SGPP2: variants seen among roughly 807,000 people sequenced by gnomAD.
The protein encoded by SGPP2 is sphingosine-1-phosphate phosphatase 2.
In SGPP2, 30 loss-of-function variants were observed where a neutral mutation model predicts 33.9. The ratio of observed to expected loss-of-function variants is 0.89; its 90% CI spans 0.66 to 1.20. The LOEUF (loss-of-function observed/expected upper bound fraction) is 1.20, where lower values mean the gene tolerates loss of function less well. SGPP2 is among the 50% of genes most tolerant of loss of function. The pLI, the probability that SGPP2 is intolerant of heterozygous loss-of-function variation, is 0.00. For synonymous variants in SGPP2, 233 were observed against 225.0 expected, an observed-to-expected ratio of 1.04 and a Z score of -0.32; for missense variants, 458 against 532.1, an observed-to-expected ratio of 0.86 and a Z score of 1.37.
intron 2 of SGPP2, among the ~76,000 whole-genome samples, chr2:222,519,572 T>G (rs1396659375): frequency 6.6e-6 from 1 of 152,196 alleles, no homozygotes; most frequent in African/African-American, 2.4e-5. Flanking sequence ...AAAAATCAAC[T>G]TTCATTTTAG....
chr2:222,448,742 A>G (rs1245179070), intron 1 of SGPP2, among the ~76,000 whole-genome samples: 3 of 152,236 alleles, frequency 2.0e-5, no homozygotes, highest in Non-Finnish European at 4.4e-5. Flanking sequence ...GTGACATGAT[A>G]AGGCACTGTG....
At chr2:222,509,177 C>T (rs1421836819) in intron 2 of SGPP2, among the ~76,000 whole-genome samples, 2 of 151,948 alleles carry the variant, frequency 1.3e-5, no homozygotes, top group African/African-American at 4.8e-5. Flanking sequence ...CAATCTAGTG[C>T]AGTCAATCTC....
At position 222,558,381 on chromosome 2, in the gene SGPP2, T is replaced by C. The variant is rs755782740; in HGVS notation, c.683T>C (p.Leu228Pro). 6.2e-7 allele frequency: 1 copy of C among 1,614,182 alleles called. No homozygotes were observed. The highest frequency in any genetic ancestry group is 1.1e-5 in the South Asian group (1 of 91,082). ...VLGGVLITAL[L>P]IVLTYPAWTF... ...GGTGGCGTCCTGATCACCGCACTCC[T>C]CATCGTCCTCACCTACCCTGCCTGG... The change falls in exon 5 of 5, where the codon CTC (leucine) becomes CCC (proline). Residue 228 changes from leucine (L) to proline (P), a missense_variant. Physicochemically the swap from Leu to Pro is moderately conservative, Grantham distance 98 (BLOSUM62 -3). Coordinates refer to ENST00000321276, the MANE Select transcript of SGPP2 (RefSeq NM_152386.4).
At chr2:222,482,670 C>T (rs1364696375) in intron 2 of SGPP2, among the ~76,000 whole-genome samples, 2 of 152,204 alleles carry the variant, frequency 1.3e-5, no homozygotes, top group African/African-American at 2.4e-5. Flanking sequence ...TGGGTCACCC[C>T]TCAACTGTCT....
chr2:222,505,248 A>T (rs545244344), intron 2 of SGPP2, among the ~76,000 whole-genome samples: 1 of 152,302 alleles, frequency 6.6e-6, no homozygotes, highest in South Asian at 2.1e-4. Context: ...CATCATCTAA[A>T]CTAGAGATAA....
chr2:222,435,028 G>GTGTATATATGTGTATATATACACA (rs1697216353), intron 1 of SGPP2, among the ~76,000 whole-genome samples: 1 of 140,544 alleles, frequency 7.1e-6, no homozygotes, highest in African/African-American at 2.7e-5. Context: ...GTATATGTGT[G>GTGTATATATGTGTATATATACACA]TATATATATG....
chr2:222,537,369 C>T (rs1041385485), intron 4 of SGPP2, among the ~76,000 whole-genome samples: 10 of 151,956 alleles, frequency 6.6e-5, no homozygotes, highest in African/African-American at 2.2e-4. Flanking sequence ...AGGGTAAATA[C>T]AATGAATCAA....
intron 2 of SGPP2, among the ~76,000 whole-genome samples, chr2:222,506,724 C>A (rs905728102): frequency 1.3e-5 from 2 of 152,138 alleles, no homozygotes; most frequent in African/African-American, 4.8e-5. Context: ...CTGGTACTCA[C>A]AACCCTCAAG....
At chr2:222,545,938 A>C (rs902720201) in intron 4 of SGPP2, among the ~76,000 whole-genome samples, 1 of 152,166 alleles carries the variant, frequency 6.6e-6, no homozygotes, top group East Asian at 1.9e-4. Flanking sequence ...TGGTGAATTG[A>C]TGCACGCTGA....
At chr2:222,451,710 A>G (rs1001223641) in intron 1 of SGPP2, among the ~76,000 whole-genome samples, 2 of 152,256 alleles carry the variant, frequency 1.3e-5, no homozygotes, top group Admixed American at 6.5e-5. Flanking sequence ...GAAGATAAAT[A>G]TCAAACTCTT....
intron 1 of SGPP2, among the ~76,000 whole-genome samples, chr2:222,429,115 C>T (rs929258369): frequency 5.3e-5 from 8 of 152,078 alleles, no homozygotes; most frequent in East Asian, 1.9e-4. Flanking sequence ...TTACCGCACC[C>T]GGCCAAGAAC....
chr2:222,541,143 A>C (rs1281546238), intron 4 of SGPP2, among the ~76,000 whole-genome samples: 5 of 152,188 alleles, frequency 3.3e-5, no homozygotes, highest in African/African-American at 1.2e-4. Flanking sequence ...CTTGTAAAAA[A>C]TGTAATAGAG....
At chr2:222,486,158 G>A (rs544140331) in intron 2 of SGPP2, among the ~76,000 whole-genome samples, 1 of 152,224 alleles carries the variant, frequency 6.6e-6, no homozygotes, top group Admixed American at 6.5e-5. Flanking sequence ...GCAGGGAGGT[G>A]CTGCATTTGC....
intron 2 of SGPP2, among the ~76,000 whole-genome samples, chr2:222,499,479 G>T (rs1367562763): frequency 6.6e-6 from 1 of 152,232 alleles, no homozygotes; most frequent in African/African-American, 2.4e-5. Flanking sequence ...TCAAAGACTG[G>T]CTGTTTAGAA....
intron 2 of SGPP2, among the ~76,000 whole-genome samples, chr2:222,502,878 C>T (rs1286444532): frequency 1.3e-5 from 2 of 152,258 alleles, no homozygotes; most frequent in East Asian, 1.9e-4. Flanking sequence ...ACACCGTGTA[C>T]GAAATTCTAC....
intron 4 of SGPP2, among the ~76,000 whole-genome samples, chr2:222,528,541 A>T (rs1011501786): frequency 7.2e-5 from 11 of 152,166 alleles, no homozygotes; most frequent in Non-Finnish European, 1.3e-4. Flanking sequence ...TTGCTGGTGG[A>T]GGGTCTGGCT....
At chr2:222,455,180 G>A (rs1467346605) in intron 1 of SGPP2, among the ~76,000 whole-genome samples, 1 of 150,300 alleles carries the variant, frequency 6.7e-6, no homozygotes. Flanking sequence ...GACCAGCCTG[G>A]ACAACATAGT....
intron 1 of SGPP2, among the ~76,000 whole-genome samples, chr2:222,436,082 A>G (rs1021131535): frequency 2.0e-5 from 3 of 152,156 alleles, no homozygotes; most frequent in Non-Finnish European, 2.9e-5. Flanking sequence ...GTTGTGAAGT[A>G]TCATCTTGAT....
rs978180800 is a variant in SGPP2, at chr2:222,502,928, TA to T, written c.379-18834del. 8.5e-5 allele frequency among the ~76,000 whole-genome samples: 13 copies of T among 152,342 alleles called. No individual in the cohort carries two copies. The East Asian group carries it at 2.5e-3, about 29-fold the overall frequency. ...TCAATTAGAGAGTTGCATTGCCTTT[TA>T]AAAATGTGAATAGGAAGAAATAAGA... On this transcript the variant is annotated intron_variant, in intron 2 of 4. Coordinates refer to ENST00000321276, the MANE Select transcript of SGPP2 (RefSeq NM_152386.4).
Sources: gnomAD v4.1 joint callset for allele counts (sites outside exome capture counted in the v4.1 genomes callset) on GRCh38, gnomAD v4.1.1 for gene constraint, MANE v1.5 for transcripts, NCBI Gene and HGNC (gene_info 2026-07-23, HGNC 2026-07-21) for gene names.